Variants in EFL1 observed in about 807,000 individuals in gnomAD.
The protein encoded by EFL1 is elongation factor-like GTPase 1.
In EFL1, 76 loss-of-function variants were observed where a neutral mutation model predicts 126.7. The ratio of observed to expected loss-of-function variants is 0.60; its 90% confidence interval spans 0.50 to 0.73. The LOEUF (loss-of-function observed/expected upper bound fraction) is 0.73. Ranked by LOEUF, EFL1 falls within the 30% of genes least tolerant of loss-of-function variation. The probability of loss-of-function intolerance (pLI) is 0.00; values close to 1 mark genes in which losing one functional copy is unlikely to be tolerated. For synonymous variants in EFL1, 410 were observed against 448.4 expected (o/e 0.91, Z 1.08); for missense variants, 1,128 against 1,343.2 (o/e 0.84, Z 2.50).
At chr15:82,217,252 T>C (rs1273311671) in intron 14 of EFL1, among the ~76,000 whole-genome samples, 2 of 151,810 alleles carry the variant, frequency 1.3e-5, no homozygotes, top group African/African-American at 2.4e-5. Flanking sequence ...TAAATTGGAA[T>C]TATCTTGTTA....
intron 18 of EFL1, among the ~76,000 whole-genome samples, chr15:82,148,550 T>C (rs1456104505): frequency 3.3e-5 from 5 of 152,190 alleles, no homozygotes; most frequent in Admixed American, 6.5e-5. Context: ...GCAATACCTA[T>C]GTTACCTATC....
At chr15:82,218,092 A>G (rs2074670147) in intron 14 of EFL1, among the ~76,000 whole-genome samples, 1 of 152,176 alleles carries the variant, frequency 6.6e-6, no homozygotes, top group African/African-American at 2.4e-5. Context: ...ACCCTGGCCA[A>G]CATTCTGATT....
chr15:82,221,216 C>T (rs989538802), intron 12 of EFL1, among the ~76,000 whole-genome samples: 1 of 152,172 alleles, frequency 6.6e-6, no homozygotes, highest in Non-Finnish European at 1.5e-5. Flanking sequence ...TGTTGTCCAT[C>T]ACCTTTGATA....
At chr15:82,131,297 A>AT (rs992068901) in intron 19 of EFL1, among the ~76,000 whole-genome samples, 3 of 151,934 alleles carry the variant, frequency 2.0e-5, no homozygotes, top group African/African-American at 4.8e-5. Context: ...TATTACATAT[A>AT]TTTTTTTATT....
At chr15:82,255,403 T>G (rs755987213) in intron 3 of EFL1, among the ~76,000 whole-genome samples, 2 of 152,230 alleles carry the variant, frequency 1.3e-5, no homozygotes, top group Non-Finnish European at 2.9e-5. Flanking sequence ...CTCTGAATAT[T>G]AGTCCTTTGT....
At chr15:82,135,727 T>A (rs1368094875) in intron 19 of EFL1, among the ~76,000 whole-genome samples, 1 of 152,212 alleles carries the variant, frequency 6.6e-6, no homozygotes, top group African/African-American at 2.4e-5. Flanking sequence ...GTCAGATGAC[T>A]GGTTTTGGGC....
chr15:82,184,469 A>C (rs2074282936), intron 15 of EFL1, among the ~76,000 whole-genome samples: 1 of 152,204 alleles, frequency 6.6e-6, no homozygotes, highest in Non-Finnish European at 1.5e-5. Context: ...GTAAGCATTA[A>C]TTACCACAGT....
rs115974511 is a variant in EFL1 at position 82,152,186 on chromosome 15, C to A, written c.2268G>T (p.Met756Ile). Reference sequence around the variant, plus strand: ...TCTGGGTGACTTCTTCTGGAAGGGGCATGGCTCGAACACTGAGCGTGGCAA... The same window carrying A: ...TCTGGGTGACTTCTTCTGGAAGGGGAATGGCTCGAACACTGAGCGTGGCAA... ...NKLATLSVRA[M>I]PLPEEVTQIL... Residue 756 changes from methionine (M) to isoleucine (I), a missense_variant, in exon 18 of 20, where the codon ATG (methionine) becomes ATT (isoleucine). Transcript: ENST00000268206. The A allele has an allele frequency of 1.2e-3, 2,017 of 1,614,132 alleles. 21 individuals are homozygous for A. The African/African-American group carries it at 0.023, about 18-fold the overall frequency.
intron 17 of EFL1, among the ~76,000 whole-genome samples, chr15:82,153,741 A>T (rs933260643): frequency 6.6e-6 from 1 of 152,240 alleles, no homozygotes; most frequent in Non-Finnish European, 1.5e-5. Flanking sequence ...TATAGGTTAT[A>T]TGAAAATTAA....
intron 16 of EFL1, among the ~76,000 whole-genome samples, chr15:82,162,602 C>G (rs1052855747): frequency 6.6e-6 from 1 of 152,164 alleles, no homozygotes; most frequent in Non-Finnish European, 1.5e-5. Flanking sequence ...TGGGATAAAT[C>G]CGTGTAGCAA....
chr15:82,201,542 G>A (rs1348015387), intron 15 of EFL1, among the ~76,000 whole-genome samples: 1 of 152,082 alleles, frequency 6.6e-6, no homozygotes, highest in Non-Finnish European at 1.5e-5. Flanking sequence ...GATTTTCCTT[G>A]TAAACGATAT....
intron 15 of EFL1, among the ~76,000 whole-genome samples, chr15:82,205,990 G>A (rs941362986): frequency 6.6e-6 from 1 of 152,186 alleles, no homozygotes; most frequent in African/African-American, 2.4e-5. Context: ...TGATAGACAA[G>A]GGGACTCCCA....
chr15:82,241,823 A>C (rs2074934180), intron 4 of EFL1, among the ~76,000 whole-genome samples: 1 of 152,220 alleles, frequency 6.6e-6, no homozygotes, highest in South Asian at 2.1e-4. Flanking sequence ...AGGGCCAACA[A>C]AGCAGTTGGC....
At chr15:82,261,924 T>G (rs1196042915) in intron 1 of EFL1, 127 bp from the exon 2 acceptor site, 1 of 640,942 alleles carries the variant, frequency 1.6e-6, no homozygotes, top group Non-Finnish European at 2.7e-6. Context: ...CAGTGAATGT[T>G]TATTGATGAG....
At chr15:82,207,988 T>C (rs1000755784) in intron 15 of EFL1, among the ~76,000 whole-genome samples, 72 of 152,210 alleles carry the variant, frequency 4.7e-4, no homozygotes, top group African/African-American at 1.7e-3. Flanking sequence ...CCCAAAGTGC[T>C]GGGATTACAG....
In EFL1 at chr15:82,217,026, C is replaced by T. The variant is rs148470301; in HGVS notation, c.1612-2171G>A. ...AAAAACAGGGAAATGACTCCAAGAA[C>T]TATTAATATCTTCACACGAGAACAC... On this transcript the variant is annotated intron_variant, in intron 14 of 19. Transcript: ENST00000268206. 1.5e-3 allele frequency among the ~76,000 whole-genome samples: 221 copies of T among 152,098 alleles called. 1 individual carries two copies. The highest frequency in any genetic ancestry group is 5.2e-3 in the African/African-American group (215 of 41,514).
chr15:82,160,272 T>C (rs1002838716), intron 16 of EFL1, among the ~76,000 whole-genome samples: 1 of 152,194 alleles, frequency 6.6e-6, no homozygotes, highest in Admixed American at 6.5e-5. Context: ...TGTGAGCCCA[T>C]GTTTGGAAGT....
intron 2 of EFL1, among the ~76,000 whole-genome samples, chr15:82,259,358 G>A (rs1395010208): frequency 6.6e-6 from 1 of 152,216 alleles, no homozygotes; most frequent in Non-Finnish European, 1.5e-5. Context: ...CTATAATGCT[G>A]TAATCTTATC....
chr15:82,146,763 C>T (rs1035491639), intron 18 of EFL1, among the ~76,000 whole-genome samples: 8 of 152,174 alleles, frequency 5.3e-5, no homozygotes, highest in African/African-American at 1.2e-4. Flanking sequence ...ACACAGTTGC[C>T]GCACGCAGGG....
Sources: gnomAD v4.1 joint callset for allele counts (sites outside exome capture counted in the v4.1 genomes callset) on GRCh38, gnomAD v4.1.1 for gene constraint, MANE v1.5 for transcripts, NCBI Gene and HGNC (gene_info 2026-07-23, HGNC 2026-07-21) for gene names.